The following MFSD11 variants were observed in gnomAD, a reference collection of about 807,000 sequenced individuals.
MFSD11 encodes the protein major facilitator superfamily domain containing 11, also known as UNC93-like protein MFSD11.
Under a neutral mutation model 53.5 loss-of-function variants are expected in MFSD11, and 36 were observed. The ratio of observed to expected loss-of-function variants is 0.67; its 90% CI spans 0.52 to 0.89. The LOEUF is 0.89. Ranked by LOEUF, MFSD11 falls within the 40% of genes least tolerant of loss-of-function variation. MFSD11 has a pLI of 0.00. For synonymous variants in MFSD11, 186 were observed against 184.9 expected (o/e 1.01, Z -0.05); for missense variants, 530 against 543.9 (o/e 0.97, Z 0.25).
At chr17:76,761,547 T>G (rs1027725267) in intron 8 of MFSD11, among the ~76,000 whole-genome samples, 2 of 152,238 alleles carry the variant, frequency 1.3e-5, no homozygotes, top group Admixed American at 6.5e-5. Flanking sequence ...ATAGTAGAAT[T>G]TGTTTTTGTA....
At chr17:76,750,430 G>T (rs748874803) in intron 7 of MFSD11, among the ~76,000 whole-genome samples, 1 of 145,262 alleles carries the variant, frequency 6.9e-6, no homozygotes, top group African/African-American at 2.6e-5. Flanking sequence ...GTGCAGTGGC[G>T]CAAACTCGGC....
chr17:76,758,950 AAC>A (rs1311762867), intron 8 of MFSD11, among the ~76,000 whole-genome samples: 1 of 152,110 alleles, frequency 6.6e-6, no homozygotes, highest in Non-Finnish European at 1.5e-5. Flanking sequence ...ACAGTTGATT[AAC>A]ACAAATTTTG....
Position 76,779,254 on chromosome 17 carries a change from CAAAAAAAAAAAA to C in MFSD11, c.*911_*922del, listed in dbSNP as rs943666105. ...GGATGACAAGAGTGAAACTCCATCT[CAAAAAAAAAAAA>C]AAAAAAAAGAAAAGAAAATAATAAT... On this transcript the variant is annotated 3_prime_UTR_variant, in exon 13 of 13. Transcript: ENST00000685175. 6.1e-5 allele frequency: 3 copies of C among 48,868 alleles called. No homozygotes were observed. Among genetic ancestry groups the C allele is most frequent in the African/African-American group, 1.4e-4 (2 of 14,048 alleles). 3.0% of individuals were successfully genotyped at this position (48,868 alleles called of 1,614,324 possible). A position where few individuals can be genotyped will look rare whatever the true frequency, so the allele number is the denominator to read the frequency against.
chr17:76,768,186 C>T (rs2081041781), intron 9 of MFSD11, among the ~76,000 whole-genome samples: 1 of 151,648 alleles, frequency 6.6e-6, no homozygotes, highest in Non-Finnish European at 1.5e-5. Flanking sequence ...TGCCTGTAGC[C>T]CCAGCCACTC....
At chr17:76,757,495 A>T (rs1400028871) in intron 8 of MFSD11, among the ~76,000 whole-genome samples, 1 of 152,198 alleles carries the variant, frequency 6.6e-6, no homozygotes, top group African/African-American at 2.4e-5. Flanking sequence ...CCAGTGCTTC[A>T]TTTATTAATT....
rs181020793 is a variant in MFSD11, at chr17:76,762,146, C to A, written c.683-5240C>A. On this transcript the variant is annotated intron_variant, in intron 8 of 12. Coordinates refer to ENST00000685175, the MANE Select transcript of MFSD11 (RefSeq NM_001242532.5). ...TTTCTCCCCTTTCACTACTATTGCA[C>A]CCATTCCTCTACTTTGTCTATAGAT... 8.0e-4 allele frequency among the ~76,000 whole-genome samples: 122 copies of A among 152,224 alleles called. No individual in the cohort carries two copies. The South Asian group carries it at 0.013, about 16-fold the overall frequency.
intron 8 of MFSD11, among the ~76,000 whole-genome samples, chr17:76,760,574 A>G (rs2080122983): frequency 6.6e-6 from 1 of 151,712 alleles, no homozygotes; most frequent in Admixed American, 6.6e-5. Flanking sequence ...CTTGTCACCC[A>G]GGCTGGAGTG....
chr17:76,791,984 G>A, the MFSD11 span, among the ~76,000 whole-genome samples: 1 of 148,176 alleles, frequency 6.7e-6, no homozygotes, highest in South Asian at 2.2e-4. Context: ...ATTCAACACT[G>A]AATCCTTAAT....
Position 76,776,943 on chromosome 17 carries a change from G to A in MFSD11, c.1185+402G>A, listed in dbSNP as rs550896232. Among the ~76,000 whole-genome samples the A allele has an allele frequency of 1.2e-4, 18 of 149,908 alleles. No individual in the cohort carries two copies. Among genetic ancestry groups the A allele is most frequent in the Non-Finnish European group, 1.8e-4 (12 of 67,626 alleles). ...CTGGGGATTATATGCGTGAGCCACC[G>A]CACCTGGTCTATTTTTTTATTTTAT... On this transcript the variant is annotated intron_variant, in intron 12 of 12. Transcript: ENST00000685175. The surrounding 1 kb of genome is among the most constrained non-coding windows in gnomAD (Gnocchi z 4.2).
intron 10 of MFSD11, among the ~76,000 whole-genome samples, 161 bp downstream of exon 10, chr17:76,770,032 T>TTTC (rs1433674855): frequency 4.7e-5 from 5 of 105,616 alleles, no homozygotes; most frequent in African/African-American, 4.5e-4. Flanking sequence ...ATTCTTTTTC[T>TTTC]TTTTTTTTTT....
chr17:76,801,029 A>C, the MFSD11 span, among the ~76,000 whole-genome samples: 1 of 151,654 alleles, frequency 6.6e-6, no homozygotes, highest in Non-Finnish European at 1.5e-5. Flanking sequence ...GTGAGCCGAG[A>C]TGGCACACTG....
At chr17:76,741,421 T>C (rs1397968538) in intron 3 of MFSD11, among the ~76,000 whole-genome samples, 1 of 152,216 alleles carries the variant, frequency 6.6e-6, no homozygotes, top group Non-Finnish European at 1.5e-5. Flanking sequence ...CATGATGTGC[T>C]AAGCTTTTGG....
chr17:76,798,857 G>A, the MFSD11 span, among the ~76,000 whole-genome samples: 4 of 151,380 alleles, frequency 2.6e-5, no homozygotes, highest in African/African-American at 9.7e-5. Flanking sequence ...GCAAAGCCCC[G>A]TCTCTACGAA....
In MFSD11 at chr17:76,778,673, C is replaced by A; in HGVS notation, c.*321C>A. ...CTCTCTCCTGCTCTTGTTGGAAGAT[C>A]CTGCCTTGATTTAGAATACTAGGCC... is the stretch of plus-strand genomic sequence containing the variant. On this transcript the variant is annotated 3_prime_UTR_variant, in exon 13 of 13. Transcript: ENST00000685175. 1 of 242,258 alleles carries A rather than the reference C, an allele frequency of 4.1e-6. No individual in the cohort carries two copies. 15.0% of individuals were successfully genotyped at this position (242,258 alleles called of 1,614,324 possible). A position where few individuals can be genotyped will look rare whatever the true frequency, so the allele number is the denominator to read the frequency against.
chr17:76,736,680 G>A (rs931467362), upstream of MFSD11: 9 of 1,240,850 alleles, frequency 7.3e-6, no homozygotes, highest in African/African-American at 3.2e-5. Flanking sequence ...GCGAGACGCG[G>A]CGTGCACCCC....
the MFSD11 span, among the ~76,000 whole-genome samples, chr17:76,798,512 C>T: frequency 6.6e-6 from 1 of 152,184 alleles, no homozygotes; most frequent in Non-Finnish European, 1.5e-5. Flanking sequence ...GGGGACCCCA[C>T]CCTTTGTCAC....
At chr17:76,765,670 C>T (rs1180444122) in intron 8 of MFSD11, among the ~76,000 whole-genome samples, 2 of 151,618 alleles carry the variant, frequency 1.3e-5, no homozygotes, top group Admixed American at 6.6e-5. Flanking sequence ...CGCCATGTTG[C>T]CCAAGCTGGT....
intron 8 of MFSD11, among the ~76,000 whole-genome samples, chr17:76,762,496 C>T (rs1447105503): frequency 6.6e-6 from 1 of 152,094 alleles, no homozygotes; most frequent in East Asian, 1.9e-4. Context: ...GAAACCCCGT[C>T]TCTACTAAAA....
At chr17:76,740,299 GA>G (rs2077941599) in intron 2 of MFSD11, among the ~76,000 whole-genome samples, 1 of 152,054 alleles carries the variant, frequency 6.6e-6, no homozygotes, top group Admixed American at 6.6e-5. Flanking sequence ...CAGGGCCTTT[GA>G]AATGGTTTTA....
Sources: gnomAD v4.1 joint callset for allele counts (sites outside exome capture counted in the v4.1 genomes callset) on GRCh38, gnomAD v4.1.1 for gene constraint, Gnocchi (gnomAD v3.1) non-coding constraint, MANE v1.5 for transcripts, NCBI Gene and HGNC (gene_info 2026-07-23, HGNC 2026-07-21) for gene names.